The following NPR3 variants were observed in gnomAD, a reference collection of about 807,000 sequenced individuals.
NPR3 encodes atrial natriuretic peptide receptor 3.
A neutral mutation model predicts 54.5 loss-of-function variants in NPR3; 34 were observed. That is an observed-to-expected ratio of 0.62 (90% CI 0.47 to 0.83). The LOEUF is 0.83. Among genes scored for constraint, NPR3 ranks in the 40% least tolerant of loss-of-function variants. The pLI, the probability that NPR3 is intolerant of heterozygous loss-of-function variation, is 0.00. For missense variants in NPR3, 674 were observed against 720.8 expected (o/e 0.94, Z 0.74); for synonymous variants, 289 against 297.1 (o/e 0.97, Z 0.28).
chr5:32,748,247 A>G (rs1341932053), intron 3 of NPR3, among the ~76,000 whole-genome samples: 2 of 152,152 alleles, frequency 1.3e-5, no homozygotes, highest in East Asian at 3.9e-4. Context: ...CTTTTTCTCC[A>G]TCTCTAGAAG....
intron 3 of NPR3, among the ~76,000 whole-genome samples, chr5:32,741,477 G>A: frequency 6.6e-6 from 1 of 152,194 alleles, no homozygotes; most frequent in Non-Finnish European, 1.5e-5. Context: ...GTTATTCTGT[G>A]TTCATAATAT....
At chr5:32,776,762 G>A (rs184742211) in intron 4 of NPR3, among the ~76,000 whole-genome samples, 33 of 152,268 alleles carry the variant, frequency 2.2e-4, no homozygotes, top group Non-Finnish European at 4.0e-4. Flanking sequence ...AATCATTTGA[G>A]CTTACATGCC....
rs763277450 is a variant in NPR3, at chr5:32,712,469, G to T, written c.693G>T (p.Thr231=). ...HEVFQEEGLH[T]SIYSFDETKD... is the part of the protein sequence containing the mutation. ...TCTTCCAGGAGGAGGGTTTGCACAC[G>T]TCCATCTACAGTTTCGACGAGACCA... The change falls in exon 1 of 8, where the codon ACG becomes ACT. Residue 231 remains threonine (T), a synonymous_variant. Coordinates refer to ENST00000265074, the MANE Select transcript of NPR3 (RefSeq NM_001204375.2). The T allele has an allele frequency of 3.1e-6, 5 of 1,599,652 alleles. No individual in the cohort carries two copies. Among genetic ancestry groups the T allele is most frequent in the African/African-American group, 1.3e-5 (1 of 74,902 alleles).
chr5:32,698,706 ACC>A (rs1211410444), intron 1 of NPR3, among the ~76,000 whole-genome samples: 3 of 151,440 alleles, frequency 2.0e-5, no homozygotes, highest in African/African-American at 7.3e-5. Flanking sequence ...TGCTGACTTG[ACC>A]CCTTTATCAT....
At chr5:32,699,311 T>C (rs1740608857) in intron 1 of NPR3, among the ~76,000 whole-genome samples, 1 of 152,222 alleles carries the variant, frequency 6.6e-6, no homozygotes, top group Non-Finnish European at 1.5e-5. Context: ...TATTTAACTT[T>C]AAATTCTGGG....
rs558007013 is a variant in NPR3, at chr5:32,714,188, C to G, written c.769+1643C>G. ...CCGGCTGGGACTGGGGGTGTGTCCC[C>G]CTATGGGCGAGATCCGCGGTTTGCT... On this transcript the variant is annotated intron_variant, in intron 1 of 7. Coordinates refer to ENST00000265074, the MANE Select transcript of NPR3 (RefSeq NM_001204375.2). Among the ~76,000 whole-genome samples the G allele has an allele frequency of 3.8e-4, 58 of 152,322 alleles. No homozygotes were observed. In the South Asian group the frequency reaches 3.9e-3, roughly 10 times the overall value.
chr5:32,765,293 A>G (rs890611645), intron 3 of NPR3, among the ~76,000 whole-genome samples: 10 of 152,234 alleles, frequency 6.6e-5, no homozygotes, highest in Admixed American at 1.3e-4. Flanking sequence ...AGCAGCTAAA[A>G]TAGACATATA....
chr5:32,757,584 C>A (rs1740914518), intron 3 of NPR3, among the ~76,000 whole-genome samples: 2 of 152,064 alleles, frequency 1.3e-5, no homozygotes, highest in Non-Finnish European at 2.9e-5. Context: ...TAATTGAATA[C>A]CCTTTATTTC....
At chr5:32,741,770 TC>T (rs750237290) in intron 3 of NPR3, among the ~76,000 whole-genome samples, 1 of 145,600 alleles carries the variant, frequency 6.9e-6, no homozygotes, top group Non-Finnish European at 1.5e-5. Flanking sequence ...TGGGGCTTTT[TC>T]TTTTTTTTTT....
In NPR3 at chr5:32,712,152, G is replaced by T; in HGVS notation, c.376G>T (p.Ala126Ser). ...GGACCGCGTGGCGGCGGCGCGGGGC[G>T]CCAAGCCAGACCTTATCCTGGGGCC... ...LVDRVAAARGAKPDLILGPVC... is the reference protein window; with the variant it reads ...LVDRVAAARGSKPDLILGPVC... The change falls in exon 1 of 8, where the codon GCC (alanine) becomes TCC (serine). Residue 126 changes from alanine to serine, a missense_variant. Transcript: ENST00000265074. 1 of 1,613,360 alleles carries T rather than the reference G, an allele frequency of 6.2e-7. No homozygotes were observed. Among genetic ancestry groups the T allele is most frequent in the Non-Finnish European group, 8.5e-7 (1 of 1,179,794 alleles).
rs56657226 is a variant in NPR3 at position 32,730,122 on chromosome 5, C to T, written c.892+5302C>T. On this transcript the variant is annotated intron_variant, in intron 2 of 7. Coordinates refer to ENST00000265074, the MANE Select transcript of NPR3 (RefSeq NM_001204375.2). ...AAAAAAAGTTTTCACTATGACCAAG[C>T]GGGGTTTATCCCAGGGATGCAAAGT... 6.3e-3 allele frequency among the ~76,000 whole-genome samples: 960 copies of T among 151,846 alleles called. 12 individuals carry two copies. The highest frequency in any genetic ancestry group is 0.022 in the African/African-American group (912 of 41,402).
At chr5:32,704,776 T>C (rs1391357804), upstream of NPR3, among the ~76,000 whole-genome samples, 3 of 152,250 alleles carry the variant, frequency 2.0e-5, no homozygotes, top group African/African-American at 7.2e-5. Context: ...CGTTTGCACA[T>C]GGCCCAGTGC....
rs376252413 is a variant in NPR3, at chr5:32,789,483, G to C, written c.*3138G>C. 11 of 534,576 alleles carry C rather than the reference G, an allele frequency of 2.1e-5. No individual in the cohort carries two copies. Among genetic ancestry groups the C allele is most frequent in the Non-Finnish European group, 4.2e-5 (11 of 260,086 alleles). The allele number at this position is 534,576 out of a possible 1,614,324, so 33.1% of individuals were successfully genotyped here. A position where few individuals can be genotyped will look rare whatever the true frequency, so the allele number is the denominator to read the frequency against. On this transcript the variant is annotated 3_prime_UTR_variant, in exon 8 of 8. Transcript: ENST00000265074. The stretch of plus-strand genomic sequence containing the variant: ...CTTGAACCACAGGAATGGTTCTACA[G>C]ACCCTACTATAATTCTTCACATTTC...
intron 1 of NPR3, among the ~76,000 whole-genome samples, chr5:32,716,141 A>C (rs545728526): frequency 6.6e-6 from 1 of 152,352 alleles, no homozygotes; most frequent in African/African-American, 2.4e-5. Context: ...TTTTGCAAAC[A>C]ATATCCATTG....
At chr5:32,693,825 G>C (rs1245970010) in intron 1 of NPR3, among the ~76,000 whole-genome samples, 2 of 152,134 alleles carry the variant, frequency 1.3e-5, no homozygotes, top group Non-Finnish European at 2.9e-5. Context: ...GAGTACATTA[G>C]TACATTCTAC....
intron 4 of NPR3, among the ~76,000 whole-genome samples, chr5:32,778,295 C>T (rs533217546): frequency 1.3e-5 from 2 of 152,232 alleles, no homozygotes; most frequent in African/African-American, 2.4e-5. Flanking sequence ...GCTTGAATTG[C>T]TTGGAGAGCC....
At chr5:32,743,404 G>T (rs1489033886) in intron 3 of NPR3, among the ~76,000 whole-genome samples, 2 of 152,160 alleles carry the variant, frequency 1.3e-5, no homozygotes, top group Admixed American at 6.5e-5. Context: ...GTGTGTGTGT[G>T]TGTGTATTAA....
At chr5:32,714,214 G>C (rs1738423561) in intron 1 of NPR3, among the ~76,000 whole-genome samples, 1 of 152,278 alleles carries the variant, frequency 6.6e-6, no homozygotes. Context: ...GCGGTTTGCT[G>C]ACTCGTCCGT....
At chr5:32,691,890 ATTG>A (rs1437426486) in intron 1 of NPR3, among the ~76,000 whole-genome samples, 1 of 152,256 alleles carries the variant, frequency 6.6e-6, no homozygotes, top group African/African-American at 2.4e-5. Flanking sequence ...TACACTTACT[ATTG>A]TTAAGATCTG....
Sources: gnomAD v4.1 joint callset for allele counts (sites outside exome capture counted in the v4.1 genomes callset) on GRCh38, gnomAD v4.1.1 for gene constraint, MANE v1.5 for transcripts, NCBI Gene and HGNC (gene_info 2026-07-23, HGNC 2026-07-21) for gene names.